The following SIPA1L1 variants were observed in gnomAD, a reference collection of about 807,000 sequenced individuals.
SIPA1L1 encodes the protein signal-induced proliferation-associated 1-like protein 1.
A neutral mutation model predicts 162.7 loss-of-function variants in SIPA1L1; 26 were observed. The ratio of observed to expected loss-of-function variants is 0.16; its 90% CI spans 0.12 to 0.22. SIPA1L1 has a LOEUF of 0.22. Ranked by LOEUF, SIPA1L1 falls within the 10% of genes least tolerant of loss-of-function variation. The pLI, the probability that SIPA1L1 is intolerant of heterozygous loss-of-function variation, is 1.00. For synonymous variants in SIPA1L1, 829 were observed against 837.4 expected (o/e 0.99, Z 0.17); for missense variants, 1,874 against 2,241.0 (o/e 0.84, Z 3.31).
intron 5 of SIPA1L1, 26 bp downstream of exon 5, chr14:71,589,396 C>T: frequency 3.4e-6 from 5 of 1,477,374 alleles, no homozygotes; most frequent in African/African-American, 2.8e-5. Flanking sequence ...TTATTTCTTA[C>T]ATTTTCTTTT....
At chr14:71,469,916 A>G (rs994493730) in intron 2 of SIPA1L1, among the ~76,000 whole-genome samples, 3 of 152,252 alleles carry the variant, frequency 2.0e-5, no homozygotes, top group African/African-American at 7.2e-5. Context: ...TGTGAGTGGG[A>G]TGGGAACTGA....
chr14:71,358,011 C>T (rs965762067), intron 2 of SIPA1L1, among the ~76,000 whole-genome samples: 2 of 152,140 alleles, frequency 1.3e-5, no homozygotes, highest in African/African-American at 4.8e-5. Context: ...GGCCATAAGC[C>T]AGTGTGCCTG....
At chr14:71,710,295 A>G (rs768793968) in intron 17 of SIPA1L1, among the ~76,000 whole-genome samples, 3 of 152,230 alleles carry the variant, frequency 2.0e-5, no homozygotes, top group Non-Finnish European at 4.4e-5. Context: ...ACACCTCTAG[A>G]TAAAATAAAT....
chr14:71,721,454 T>A (rs770010638), intron 17 of SIPA1L1, among the ~76,000 whole-genome samples: 3 of 152,146 alleles, frequency 2.0e-5, no homozygotes, highest in Non-Finnish European at 4.4e-5. Context: ...CACCAATGAT[T>A]ACTCAAGGCC....
At chr14:71,398,790 A>G (rs1017768135) in intron 2 of SIPA1L1, among the ~76,000 whole-genome samples, 1 of 152,068 alleles carries the variant, frequency 6.6e-6, no homozygotes, top group African/African-American at 2.4e-5. Context: ...AGTGGTACCT[A>G]TTTACACTTT....
intron 2 of SIPA1L1, among the ~76,000 whole-genome samples, chr14:71,490,959 G>A (rs2049195682): frequency 6.6e-6 from 1 of 152,130 alleles, no homozygotes; most frequent in Admixed American, 6.5e-5. Context: ...TGGGAAGTTT[G>A]CTTATTTAAC....
intron 17 of SIPA1L1, among the ~76,000 whole-genome samples, chr14:71,720,683 A>G (rs1426168605): frequency 2.6e-5 from 4 of 151,760 alleles, no homozygotes; most frequent in African/African-American, 9.7e-5. Flanking sequence ...GCCTGTCTTG[A>G]GCTCACTAGT....
chr14:71,546,664 CT>C (rs1456801579), intron 4 of SIPA1L1, among the ~76,000 whole-genome samples: 1 of 152,028 alleles, frequency 6.6e-6, no homozygotes, highest in South Asian at 2.1e-4. Context: ...TAATGAATTC[CT>C]TTTTTAATGA....
At chr14:71,624,593 G>A (rs1429657488) in intron 7 of SIPA1L1, among the ~76,000 whole-genome samples, 1 of 152,238 alleles carries the variant, frequency 6.6e-6, no homozygotes, top group East Asian at 1.9e-4. Flanking sequence ...TAATAATAAT[G>A]AGCATATTTG....
At chr14:71,376,098 T>A (rs949789010) in intron 2 of SIPA1L1, among the ~76,000 whole-genome samples, 7 of 152,276 alleles carry the variant, frequency 4.6e-5, no homozygotes, top group African/African-American at 1.7e-4. Context: ...AAAAAGTGTA[T>A]GTAGAATTGG....
At chr14:71,580,813 A>G (rs1373435146) in intron 4 of SIPA1L1, among the ~76,000 whole-genome samples, 1 of 152,192 alleles carries the variant, frequency 6.6e-6, no homozygotes, top group Non-Finnish European at 1.5e-5. Context: ...CAACAGAAAG[A>G]TGGCTTTTTT....
At chr14:71,658,300 G>T in intron 8 of SIPA1L1, 33 bp from the exon 9 acceptor site, 3 of 1,005,664 alleles carry the variant, frequency 3.0e-6, no homozygotes, top group Non-Finnish European at 4.7e-6. Context: ...TCCTGTTATA[G>T]TCATCTCATC....
At chr14:71,723,610 C>G in intron 17 of SIPA1L1, 37 bp from the exon 18 acceptor site, 1 of 1,610,590 alleles carries the variant, frequency 6.2e-7, no homozygotes. Flanking sequence ...ACATAATGAT[C>G]CTGAGATACA....
At chr14:71,598,435 T>C (rs1004253125) in intron 5 of SIPA1L1, 1 of 157,650 alleles carries the variant, frequency 6.3e-6, no homozygotes, top group African/African-American at 2.4e-5. Context: ...AAGGTTGTTA[T>C]GAACCTCAGG....
chr14:71,327,567 T>A (rs1566891612), intron 2 of SIPA1L1, among the ~76,000 whole-genome samples: 1 of 152,194 alleles, frequency 6.6e-6, no homozygotes, highest in African/African-American at 2.4e-5. Context: ...TCCTAAAATT[T>A]TCACCAAATT....
chr14:71,400,497 C>T (rs759066430), intron 2 of SIPA1L1, among the ~76,000 whole-genome samples: 6 of 151,932 alleles, frequency 3.9e-5, no homozygotes, highest in African/African-American at 7.3e-5. Context: ...TTGGTATTCA[C>T]GTCAGCAGTG....
chr14:71,625,333 C>T (rs2039864150), intron 7 of SIPA1L1, among the ~76,000 whole-genome samples: 1 of 148,812 alleles, frequency 6.7e-6, no homozygotes, highest in African/African-American at 2.5e-5. Context: ...GACAGTTTCA[C>T]TCTGTCACCC....
chr14:71,477,689 T>C (rs1018984910), intron 2 of SIPA1L1, among the ~76,000 whole-genome samples: 8 of 152,314 alleles, frequency 5.3e-5, no homozygotes, highest in Non-Finnish European at 2.9e-5. Flanking sequence ...AGATACTTGG[T>C]TCCTTTTAAT....
chr14:71,422,871 G>A (rs2140679975), intron 2 of SIPA1L1, among the ~76,000 whole-genome samples: 1 of 152,286 alleles, frequency 6.6e-6, no homozygotes, highest in Admixed American at 6.5e-5. Flanking sequence ...TCATCTGGTA[G>A]TTCTATTAAA....
Sources: gnomAD v4.1 joint callset for allele counts (sites outside exome capture counted in the v4.1 genomes callset) on GRCh38, gnomAD v4.1.1 for gene constraint, MANE v1.5 for transcripts, NCBI Gene and HGNC (gene_info 2026-07-23, HGNC 2026-07-21) for gene names.